DNM3: variants seen among roughly 807,000 people sequenced by gnomAD.
DNM3 encodes the protein dynamin 3.
DNM3 carries 47 observed loss-of-function variants against 101.6 expected under a neutral mutation model. The ratio of observed to expected loss-of-function variants is 0.46; its 90% CI spans 0.37 to 0.59. The LOEUF is 0.59. Among genes scored for constraint, DNM3 ranks in the 20% least tolerant of loss-of-function variants. The pLI, the probability that DNM3 is intolerant of heterozygous loss-of-function variation, is 0.00. For synonymous variants in DNM3, 385 were observed against 387.9 expected, an observed-to-expected ratio of 0.99 and a Z score of 0.09; for missense variants, 849 against 1,085.7, an observed-to-expected ratio of 0.78 and a Z score of 3.06.
At chr1:172,112,327 G>C (rs1476599433) in intron 13 of DNM3, among the ~76,000 whole-genome samples, 2 of 152,200 alleles carry the variant, frequency 1.3e-5, no homozygotes, top group Non-Finnish European at 1.5e-5. Context: ...GGTGACACAT[G>C]TAGTATGTGG....
intron 13 of DNM3, among the ~76,000 whole-genome samples, chr1:172,093,983 T>G (rs1558559115): frequency 6.6e-6 from 1 of 152,230 alleles, no homozygotes; most frequent in African/African-American, 2.4e-5. Context: ...CCCTTAACAC[T>G]GTGGGTGCTT....
intron 11 of DNM3, among the ~76,000 whole-genome samples, chr1:172,073,286 T>TATACACATATAAGTATATGTGTAC: frequency 7.5e-6 from 1 of 133,918 alleles, no homozygotes; most frequent in Non-Finnish European, 1.7e-5. Context: ...TATATGTATA[T>TATACACATATAAGTATATGTGTAC]ATACACATAT....
intron 2 of DNM3, among the ~76,000 whole-genome samples, chr1:171,927,684 TAAAAA>T (rs2125348736): frequency 6.6e-6 from 1 of 152,308 alleles, no homozygotes; most frequent in Non-Finnish European, 1.5e-5. Context: ...TATATGGCCT[TAAAAA>T]AGAACAAGAT....
At chr1:172,235,960 C>G (rs1052906224) in intron 14 of DNM3, among the ~76,000 whole-genome samples, 1 of 151,972 alleles carries the variant, frequency 6.6e-6, no homozygotes, top group Non-Finnish European at 1.5e-5. Flanking sequence ...CAAACCTGCA[C>G]GTTGTGCACA....
intron 10 of DNM3, among the ~76,000 whole-genome samples, chr1:172,061,904 G>T (rs1209099970): frequency 3.3e-5 from 5 of 152,000 alleles, no homozygotes; most frequent in Non-Finnish European, 7.4e-5. Flanking sequence ...CCCCTCTAAT[G>T]GTTGCCATCC....
At position 172,409,403 on chromosome 1, in the gene DNM3, G is replaced by A; in HGVS notation, c.*1562G>A. On this transcript the variant is annotated 3_prime_UTR_variant, in exon 21 of 21. Coordinates refer to ENST00000627582, the MANE Select transcript of DNM3 (RefSeq NM_015569.5). ...AAACTTTTAACCATTATTAAACAGA[G>A]AACTTGCCATGTTGAGTGCCATTGT... 1.0e-6 allele frequency: 1 copy of A among 984,874 alleles called. No individual in the cohort carries two copies. Among genetic ancestry groups the A allele is most frequent in the South Asian group, 4.7e-5 (1 of 21,276 alleles). 61.0% of individuals were successfully genotyped at this position (984,874 alleles called of 1,614,324 possible).
intron 14 of DNM3, among the ~76,000 whole-genome samples, chr1:172,214,782 A>G (rs1382916430): frequency 1.3e-5 from 2 of 152,084 alleles, no homozygotes; most frequent in African/African-American, 2.4e-5. Context: ...TTTTTTTTCA[A>G]TAGTAACACT....
At chr1:172,302,128 G>A (rs569377412) in intron 15 of DNM3, among the ~76,000 whole-genome samples, 11 of 152,008 alleles carry the variant, frequency 7.2e-5, no homozygotes, top group Admixed American at 4.6e-4. Flanking sequence ...AAGGGAAGCC[G>A]TGACAGACTA....
chr1:171,881,224 T>A (rs933730238), intron 1 of DNM3, among the ~76,000 whole-genome samples: 29 of 152,076 alleles, frequency 1.9e-4, no homozygotes, highest in African/African-American at 7.0e-4. Flanking sequence ...AACCACAAAT[T>A]ACCATTCATA....
intron 2 of DNM3, among the ~76,000 whole-genome samples, chr1:171,963,149 A>G (rs2043328858): frequency 6.6e-6 from 1 of 152,174 alleles, no homozygotes; most frequent in Non-Finnish European, 1.5e-5. Context: ...GTCCTTCAGT[A>G]TTTACTTTAT....
rs530644119 is a variant in DNM3, at chr1:172,331,249, G to C, written c.1893+7909G>C. On this transcript the variant is annotated intron_variant, in intron 17 of 20. Transcript: ENST00000627582. ...GTGTAATATACAAATAATGTATACT[G>C]TCTAAGGATTATCAGTGAGCCATTT... 2.6e-5 allele frequency among the ~76,000 whole-genome samples: 4 copies of C among 152,238 alleles called. No individual in the cohort carries two copies. In the East Asian group the frequency reaches 7.7e-4, roughly 29 times the overall value.
At chr1:172,366,323 C>G (rs1462328129) in intron 17 of DNM3, among the ~76,000 whole-genome samples, 1 of 151,924 alleles carries the variant, frequency 6.6e-6, no homozygotes, top group African/African-American at 2.4e-5. Context: ...ACTCCAGAGG[C>G]TTTCCCCAAT....
At chr1:172,095,567 G>A (rs2054190656) in intron 13 of DNM3, among the ~76,000 whole-genome samples, 2 of 152,062 alleles carry the variant, frequency 1.3e-5, no homozygotes, top group African/African-American at 4.8e-5. Flanking sequence ...AAACAGTTTT[G>A]CCTATTAAGA....
chr1:172,416,870 T>C (rs2071446817), downstream of DNM3, among the ~76,000 whole-genome samples: 1 of 152,054 alleles, frequency 6.6e-6, no homozygotes, highest in Admixed American at 6.5e-5. Flanking sequence ...GGCCCTGAAG[T>C]TGAAAGGTTA....
At chr1:172,327,732 C>T (rs1225000355) in intron 17 of DNM3, among the ~76,000 whole-genome samples, 1 of 152,026 alleles carries the variant, frequency 6.6e-6, no homozygotes, top group Non-Finnish European at 1.5e-5. Context: ...GAACACCGTC[C>T]CCCACCACCT....
At chr1:172,283,165 G>A (rs2255460) in intron 15 of DNM3, among the ~76,000 whole-genome samples, 9,298 of 152,094 alleles carry the variant, frequency 0.061, 359 homozygotes, top group African/African-American at 0.1. Context: ...TGGCTAAAAC[G>A]CCAGGGGCTC....
intron 15 of DNM3, among the ~76,000 whole-genome samples, chr1:172,254,208 G>A (rs963659177): frequency 6.6e-6 from 1 of 152,136 alleles, no homozygotes; most frequent in African/African-American, 2.4e-5. Flanking sequence ...TTACAGGCAT[G>A]AGCCACTGCA....
chr1:172,287,652 C>T (rs905328836), intron 15 of DNM3, among the ~76,000 whole-genome samples: 3 of 151,970 alleles, frequency 2.0e-5, no homozygotes, highest in East Asian at 1.9e-4. Context: ...CCAAAAAACT[C>T]GTCCCTTTGG....
chr1:172,097,594 A>G (rs2054331839), intron 13 of DNM3, among the ~76,000 whole-genome samples: 1 of 152,148 alleles, frequency 6.6e-6, no homozygotes, highest in Non-Finnish European at 1.5e-5. Flanking sequence ...GAACATAGAA[A>G]GGAATGTAGG....
Sources: allele counts gnomAD v4.1 joint callset (sites outside exome capture counted in the v4.1 genomes callset), GRCh38; gene constraint gnomAD v4.1.1; transcripts MANE v1.5; gene names NCBI Gene and HGNC (gene_info 2026-07-23, HGNC 2026-07-21).